CNTNAP5: variants seen among roughly 807,000 people sequenced by gnomAD.
CNTNAP5 encodes contactin associated protein family member 5.
In CNTNAP5, 72 loss-of-function variants were observed where a neutral mutation model predicts 150.2. The ratio of observed to expected loss-of-function variants is 0.48; its 90% CI spans 0.40 to 0.58. The LOEUF (loss-of-function observed/expected upper bound fraction) is 0.58. CNTNAP5 is among the 20% of genes least tolerant of loss of function. The pLI, the probability that CNTNAP5 is intolerant of heterozygous loss-of-function variation, is 0.00. For synonymous variants in CNTNAP5, 672 were observed against 619.8 expected (o/e 1.08, Z -1.25); for missense variants, 1,636 against 1,626.2 (o/e 1.01, Z -0.10).
chr2:124,170,203 T>A (rs1311440808), intron 1 of CNTNAP5, among the ~76,000 whole-genome samples: 1 of 151,942 alleles, frequency 6.6e-6, no homozygotes, highest in Non-Finnish European at 1.5e-5. Flanking sequence ...TGGTGATAGT[T>A]ATGAAGAAAT....
intron 12 of CNTNAP5, among the ~76,000 whole-genome samples, chr2:124,615,693 A>G (rs919553449): frequency 6.6e-6 from 1 of 152,210 alleles, no homozygotes; most frequent in African/African-American, 2.4e-5. Context: ...ACAATGGCAA[A>G]TGCTTTCCAG....
At chr2:124,815,121 A>G (rs146037200) in intron 19 of CNTNAP5, among the ~76,000 whole-genome samples, 163 of 152,350 alleles carry the variant, frequency 1.1e-3, no homozygotes, top group Middle Eastern at 3.4e-3. Flanking sequence ...AGCAATAACT[A>G]AGTAAGCCTG....
Position 124,349,923 on chromosome 2 carries a change from C to T in CNTNAP5, c.382-67520C>T, listed in dbSNP as rs545522464. On this transcript the variant is annotated intron_variant, in intron 3 of 23. Coordinates refer to ENST00000682447, the MANE Select transcript of CNTNAP5 (RefSeq NM_001367498.1). ...TTTTTGAGACAGAGTCTAACTATGT[C>T]GCCCAGGCTGGAGTGCAACGGCGCG... Among the ~76,000 whole-genome samples, 6 of 110,178 alleles carry T rather than the reference C, an allele frequency of 5.4e-5. No homozygotes were observed. The South Asian group carries it at 1.3e-3, about 24-fold the overall frequency. 72.3% of individuals were successfully genotyped at this position (110,178 alleles called of 152,430 possible).
chr2:124,158,836 C>T (rs1002257759), intron 1 of CNTNAP5, among the ~76,000 whole-genome samples: 32 of 152,140 alleles, frequency 2.1e-4, no homozygotes, highest in African/African-American at 7.5e-4. Flanking sequence ...TCCATTAAAC[C>T]TCAAGAGCGC....
At chr2:124,028,354 C>A (rs1267450274) in intron 1 of CNTNAP5, among the ~76,000 whole-genome samples, 1 of 151,796 alleles carries the variant, frequency 6.6e-6, no homozygotes, top group African/African-American at 2.4e-5. Flanking sequence ...TTCTCATAAT[C>A]TGACCGAAAC....
At chr2:124,680,079 G>C (rs1045125720) in intron 13 of CNTNAP5, among the ~76,000 whole-genome samples, 3 of 151,674 alleles carry the variant, frequency 2.0e-5, no homozygotes, top group African/African-American at 7.2e-5. Flanking sequence ...ACCCTCAAAT[G>C]AGTATCCAGA....
At chr2:124,356,100 GACAGAATA>G (rs566023366) in intron 3 of CNTNAP5, among the ~76,000 whole-genome samples, 1 of 152,200 alleles carries the variant, frequency 6.6e-6, no homozygotes, top group Non-Finnish European at 1.5e-5. Flanking sequence ...TTGACCAAAT[GACAGAATA>G]AAGATTGTCC....
chr2:124,104,774 C>T (rs1683138959), intron 1 of CNTNAP5, among the ~76,000 whole-genome samples: 1 of 152,172 alleles, frequency 6.6e-6, no homozygotes, highest in Non-Finnish European at 1.5e-5. Flanking sequence ...CCTGGCCCAG[C>T]ACTAGTTCCA....
At chr2:124,598,859 T>G (rs1412376595) in intron 11 of CNTNAP5, among the ~76,000 whole-genome samples, 1 of 152,168 alleles carries the variant, frequency 6.6e-6, no homozygotes, top group African/African-American at 2.4e-5. Flanking sequence ...CGCCGTTTTT[T>G]AAGCCGGTCT....
intron 3 of CNTNAP5, among the ~76,000 whole-genome samples, chr2:124,406,607 A>G (rs922710715): frequency 2.0e-5 from 3 of 152,200 alleles, no homozygotes; most frequent in African/African-American, 7.2e-5. Flanking sequence ...TGTGCATGTG[A>G]TATTTTGATA....
At chr2:124,483,313 T>C (rs934482065) in intron 7 of CNTNAP5, among the ~76,000 whole-genome samples, 1 of 152,158 alleles carries the variant, frequency 6.6e-6, no homozygotes. Flanking sequence ...CAAGCCCAGG[T>C]TTCAGGGAGC....
intron 1 of CNTNAP5, among the ~76,000 whole-genome samples, chr2:124,200,726 T>C (rs567730370): frequency 3.0e-4 from 46 of 152,346 alleles, no homozygotes; most frequent in Non-Finnish European, 6.0e-4. Flanking sequence ...TGCAGGCACT[T>C]ATGTCCTGCC....
chr2:124,283,308 A>G (rs906970928), intron 3 of CNTNAP5, among the ~76,000 whole-genome samples: 2 of 152,182 alleles, frequency 1.3e-5, no homozygotes. Flanking sequence ...ACACACCACA[A>G]TGGAATGTCA....
At chr2:124,729,845 T>G (rs985002439) in intron 13 of CNTNAP5, among the ~76,000 whole-genome samples, 1 of 152,124 alleles carries the variant, frequency 6.6e-6, no homozygotes, top group African/African-American at 2.4e-5. Context: ...TTCACATTCA[T>G]TTTTTTATAA....
At chr2:124,738,721 A>G (rs1357072094) in intron 13 of CNTNAP5, among the ~76,000 whole-genome samples, 5 of 142,086 alleles carry the variant, frequency 3.5e-5, no homozygotes, top group African/African-American at 5.1e-5. Context: ...ACAGAGTGAG[A>G]CTCCATCAAA....
At chr2:124,672,857 T>A (rs1048302367) in intron 13 of CNTNAP5, among the ~76,000 whole-genome samples, 1 of 151,976 alleles carries the variant, frequency 6.6e-6, no homozygotes, top group African/African-American at 2.4e-5. Flanking sequence ...AAATTAAAAA[T>A]GTAATAATTA....
chr2:124,437,350 G>A (rs1012455372), intron 5 of CNTNAP5, among the ~76,000 whole-genome samples: 4 of 152,084 alleles, frequency 2.6e-5, no homozygotes, highest in Admixed American at 1.3e-4. Context: ...TGTCCAGTCC[G>A]ATCCTCAAGG....
chr2:124,173,391 C>T (rs1236134727), intron 1 of CNTNAP5, among the ~76,000 whole-genome samples: 5 of 152,182 alleles, frequency 3.3e-5, no homozygotes, highest in Admixed American at 1.3e-4. Flanking sequence ...GAGGCCTAGG[C>T]CTCTTGTACC....
intron 7 of CNTNAP5, among the ~76,000 whole-genome samples, chr2:124,498,515 A>G (rs1694203143): frequency 6.6e-6 from 1 of 152,202 alleles, no homozygotes; most frequent in Non-Finnish European, 1.5e-5. Context: ...TTGCCGAGGC[A>G]GATCTCAAAT....
Sources: gnomAD v4.1 joint callset for allele counts (sites outside exome capture counted in the v4.1 genomes callset) on GRCh38, gnomAD v4.1.1 for gene constraint, MANE v1.5 for transcripts, NCBI Gene and HGNC (gene_info 2026-07-23, HGNC 2026-07-21) for gene names.